MAGED1: variants seen among roughly 807,000 people sequenced by gnomAD.
The protein encoded by MAGED1 is melanoma-associated antigen D1.
In MAGED1, 3 loss-of-function variants were observed where a neutral mutation model predicts 54.1. That is an observed-to-expected ratio of 0.06 (90% confidence interval 0.03 to 0.14). The LOEUF is 0.14. Among genes scored for constraint, MAGED1 ranks in the 10% least tolerant of loss-of-function variants. MAGED1 has a pLI of 1.00. For synonymous variants in MAGED1, 217 were observed against 227.3 expected (o/e 0.95, Z 0.41); for missense variants, 485 against 623.4 (o/e 0.78, Z 2.36).
At chrX:51,899,949 G>A (rs1928934841) in intron 10 of MAGED1, 1 of 330,802 alleles carries the variant, frequency 3.0e-6, no homozygotes, top group African/African-American at 2.7e-5. Flanking sequence ...AGGAAATGTT[G>A]TCCTTTCTGT....
At chrX:51,873,534 T>TGAGAGAGAGAGA (rs34476955) in intron 1 of MAGED1, among the ~76,000 whole-genome samples, 26 of 90,575 alleles carry the variant, frequency 2.9e-4, no homozygotes, top group African/African-American at 1.0e-3. Flanking sequence ...TGTGTGTGTG[T>TGAGAGAGAGAGA]GAGAGAGAGA....
At chrX:51,871,380 G>A (rs1478743655) in intron 1 of MAGED1, among the ~76,000 whole-genome samples, 1 of 108,488 alleles carries the variant, frequency 9.2e-6, no homozygotes, top group Non-Finnish European at 1.9e-5. Flanking sequence ...CCATTAACTC[G>A]TCATTTACAT....
chrX:51,830,747 C>G (rs1290159505), intron 1 of MAGED1, among the ~76,000 whole-genome samples: 1 of 111,531 alleles, frequency 9.0e-6, no homozygotes, highest in Non-Finnish European at 1.9e-5. Flanking sequence ...TGAAGCACAG[C>G]CATTTTCCCC....
intron 1 of MAGED1, among the ~76,000 whole-genome samples, chrX:51,839,471 C>T (rs781855097): frequency 8.9e-6 from 1 of 111,947 alleles, no homozygotes; most frequent in African/African-American, 3.2e-5. Context: ...CTTCCTGTTC[C>T]ATACCTGCTC....
chrX:51,829,406 A>T (rs782126179), intron 1 of MAGED1, among the ~76,000 whole-genome samples: 16 of 110,655 alleles, frequency 1.4e-4, no homozygotes, highest in African/African-American at 5.2e-4. Flanking sequence ...AGAGTATATC[A>T]TTCAATACAT....
chrX:51,850,804 G>T (rs1302604148), intron 1 of MAGED1, among the ~76,000 whole-genome samples: 2 of 110,925 alleles, frequency 1.8e-5, no homozygotes, highest in African/African-American at 6.6e-5. Context: ...GGAGGCTGAG[G>T]TAGGAGATTT....
intron 1 of MAGED1, among the ~76,000 whole-genome samples, chrX:51,863,705 A>G (rs1433287871): frequency 8.9e-6 from 1 of 111,754 alleles, no homozygotes; most frequent in Non-Finnish European, 1.9e-5. Context: ...TTGTGGTTTT[A>G]ATTTGCATTT....
At chrX:51,898,757 C>T (rs1928877057) in intron 10 of MAGED1, 114 bp downstream of exon 10, 2 of 681,530 alleles carry the variant, frequency 2.9e-6, no homozygotes, top group African/African-American at 2.2e-5. Flanking sequence ...AATCCCAGTA[C>T]TTTGGGAGGC....
At chrX:51,855,686 C>T (rs1288878773) in intron 1 of MAGED1, among the ~76,000 whole-genome samples, 4 of 111,026 alleles carry the variant, frequency 3.6e-5, no homozygotes, top group Admixed American at 1.9e-4. Flanking sequence ...CCACCATGCC[C>T]GGCTAATTTT....
chrX:51,820,229 C>T (rs1212139210), intron 1 of MAGED1, among the ~76,000 whole-genome samples: 3 of 111,566 alleles, frequency 2.7e-5, no homozygotes, highest in Non-Finnish European at 3.8e-5. Flanking sequence ...CTTTGTTCCA[C>T]GTTTTCAAAA....
intron 1 of MAGED1, among the ~76,000 whole-genome samples, chrX:51,861,293 AAAAG>A (rs1557360645): frequency 8.9e-6 from 1 of 111,996 alleles, no homozygotes; most frequent in African/African-American, 3.2e-5. Flanking sequence ...TATGGCTTAA[AAAAG>A]AAATAACAAA....
upstream of MAGED1, among the ~76,000 whole-genome samples, chrX:51,893,023 CAGAA>C (rs1315478657): frequency 1.8e-5 from 2 of 110,550 alleles, no homozygotes; most frequent in Non-Finnish European, 3.8e-5. Context: ...ACCGGAGCTG[CAGAA>C]AGAAAGGGAA....
intron 1 of MAGED1, among the ~76,000 whole-genome samples, chrX:51,866,937 G>C (rs1557361134): frequency 8.9e-6 from 1 of 111,888 alleles, no homozygotes; most frequent in Non-Finnish European, 1.9e-5. Flanking sequence ...CACCAGTAAA[G>C]AGAATTTATA....
At chrX:51,839,554 C>G (rs1328137604) in intron 1 of MAGED1, among the ~76,000 whole-genome samples, 2 of 111,571 alleles carry the variant, frequency 1.8e-5, no homozygotes, top group Admixed American at 9.6e-5. Context: ...TAAAATTCAG[C>G]CTTCCTCCAT....
chrX:51,896,234 C>G (rs782278030), intron 3 of MAGED1, 175 bp from the exon 4 acceptor site: 6 of 458,901 alleles, frequency 1.3e-5, no homozygotes, highest in African/African-American at 2.5e-5. Flanking sequence ...TGGCCTGGCT[C>G]GGAGATGAAA....
At chrX:51,806,827 G>A (rs958251204) in intron 1 of MAGED1, among the ~76,000 whole-genome samples, 2 of 108,094 alleles carry the variant, frequency 1.9e-5, no homozygotes, top group Non-Finnish European at 3.8e-5. Context: ...TTGCTCTGTC[G>A]CCCAGGTTGG....
At chrX:51,853,436 T>C (rs782493166) in intron 1 of MAGED1, among the ~76,000 whole-genome samples, 4 of 112,525 alleles carry the variant, frequency 3.6e-5, no homozygotes, top group South Asian at 3.7e-4. Flanking sequence ...ACTGGCCTGC[T>C]TCCATTCACC....
At chrX:51,836,303 T>A (rs1460918234) in intron 1 of MAGED1, among the ~76,000 whole-genome samples, 1 of 111,152 alleles carries the variant, frequency 9.0e-6, no homozygotes, top group Non-Finnish European at 1.9e-5. Flanking sequence ...TGCTAGATAT[T>A]TTTATATAAC....
chrX:51,841,874 C>T (rs1557358651), intron 1 of MAGED1, among the ~76,000 whole-genome samples: 1 of 111,824 alleles, frequency 8.9e-6, no homozygotes, highest in Admixed American at 9.5e-5. Flanking sequence ...TAGCGTGATG[C>T]CTCCAGCTTT....
Sources: allele counts gnomAD v4.1 joint callset (sites outside exome capture counted in the v4.1 genomes callset), GRCh38; gene constraint gnomAD v4.1.1; transcripts MANE v1.5; gene names NCBI Gene and HGNC (gene_info 2026-07-23, HGNC 2026-07-21).